The following ASXL1 variants were observed in gnomAD, a reference collection of about 807,000 sequenced individuals.
The protein encoded by ASXL1 is polycomb group protein ASXL1.
A neutral mutation model predicts 89.1 loss-of-function variants in ASXL1; 65 were observed. The ratio of observed to expected loss-of-function variants is 0.73; its 90% CI spans 0.60 to 0.90. ASXL1 has a LOEUF of 0.90. Ranked by LOEUF, ASXL1 falls within the 40% of genes least tolerant of loss-of-function variation. The pLI, the probability that ASXL1 is intolerant of heterozygous loss-of-function variation, is 0.00. For synonymous variants in ASXL1, 739 were observed against 746.9 expected (o/e 0.99, Z 0.17); for missense variants, 1,786 against 1,942.9 (o/e 0.92, Z 1.52).
chr20:32,371,737 C>A, intron 4 of ASXL1: 1 of 444,186 alleles, frequency 2.3e-6, no homozygotes, highest in South Asian at 1.6e-5. Flanking sequence ...TCCCGAGTAG[C>A]GTACACCATC....
chr20:32,369,792 G>C (rs1307123167), intron 4 of ASXL1, among the ~76,000 whole-genome samples: 1 of 140,836 alleles, frequency 7.1e-6, no homozygotes, highest in African/African-American at 2.6e-5. Context: ...GCAGTGGTGC[G>C]ATCTCAGCTC....
At chr20:32,375,251 A>C (rs2048357865) in intron 4 of ASXL1, among the ~76,000 whole-genome samples, 1 of 152,082 alleles carries the variant, frequency 6.6e-6, no homozygotes, top group South Asian at 2.1e-4. Flanking sequence ...GGATCACCTT[A>C]GGTCAGGAGT....
At chr20:32,406,830 C>A (rs982102085) in intron 4 of ASXL1, among the ~76,000 whole-genome samples, 1 of 152,116 alleles carries the variant, frequency 6.6e-6, no homozygotes, top group Non-Finnish European at 1.5e-5. Flanking sequence ...CTCCAACTCT[C>A]ACGTCATACC....
Position 32,436,807 on chromosome 20 carries a change from C to A in ASXL1, c.4095C>A (p.Gly1365=). Residue 1365 remains glycine, a synonymous_variant, in exon 13 of 13, where the codon GGC becomes GGA. Coordinates refer to ENST00000375687, the MANE Select transcript of ASXL1 (RefSeq NM_015338.6). ...CTCCAAAGCCACATGCCTTTGTTGG[C>A]AGCGTCAAGAATGAGAAGACTTTTG... is the stretch of plus-strand genomic sequence containing the variant. ...DWAPKPHAFV[G]SVKNEKTFVG... The A allele has an allele frequency of 6.2e-7, 1 of 1,614,202 alleles. No homozygotes were observed.
At chr20:32,387,449 C>T (rs1028121264) in intron 4 of ASXL1, among the ~76,000 whole-genome samples, 1 of 152,130 alleles carries the variant, frequency 6.6e-6, no homozygotes, top group Admixed American at 6.6e-5. Context: ...ATACTACTGG[C>T]GAATTCAGTG....
Position 32,436,569 on chromosome 20 carries a change from A to G in ASXL1, c.3857A>G (p.Gln1286Arg), listed in dbSNP as rs1227209031. ...SPNVISFGPEQTGRALGDQSN... is the reference protein window; with the variant it reads ...SPNVISFGPERTGRALGDQSN... ...AATGTGATCTCCTTTGGTCCAGAGC[A>G]GACAGGTCGGGCCCTGGGTGATCAG... The change falls in exon 13 of 13, where the codon CAG becomes CGG. Residue 1286 changes from glutamine (Q) to arginine (R), a missense_variant. Around this residue, in one of 3 missense-constraint regions of ASXL1, gnomAD observed 1,418 missense variants for 1,427.8 expected, o/e 0.99. Coordinates refer to ENST00000375687, the MANE Select transcript of ASXL1 (RefSeq NM_015338.6). 6.2e-7 allele frequency: 1 copy of G among 1,614,226 alleles called. No individual in the cohort carries two copies.
At chr20:32,367,112 C>CCATTA (rs1305466660) in intron 2 of ASXL1, among the ~76,000 whole-genome samples, 4 of 151,598 alleles carry the variant, frequency 2.6e-5, no homozygotes, top group Admixed American at 6.6e-5. Flanking sequence ...GGGTAGTGGC[C>CCATTA]CATGCCTGTA....
chr20:32,422,100 C>T (rs1331403522), intron 4 of ASXL1, among the ~76,000 whole-genome samples: 6 of 147,226 alleles, frequency 4.1e-5, no homozygotes, highest in South Asian at 2.2e-4. Flanking sequence ...AGGATGGTCT[C>T]GATCTCCTGA....
intron 4 of ASXL1, among the ~76,000 whole-genome samples, chr20:32,424,532 T>G (rs1377465774): frequency 6.6e-6 from 1 of 152,094 alleles, no homozygotes. Flanking sequence ...GAGACTCTTG[T>G]CTCAAAAAAC....
Position 32,437,627 on chromosome 20 carries a change from G to A in ASXL1, c.*289G>A, listed in dbSNP as rs2012006358. On this transcript the variant is annotated 3_prime_UTR_variant, in exon 13 of 13. Transcript: ENST00000375687. ...CGGAGTGGGGTTGCGGGGGGTGGGG[G>A]GACTGCCTGACTCCCAGAGGGACTT... 3 of 481,228 alleles carry A rather than the reference G, an allele frequency of 6.2e-6. No homozygotes were observed. The highest frequency in any genetic ancestry group is 1.1e-5 in the Non-Finnish European group (3 of 267,070). The allele number at this position is 481,228 out of a possible 1,614,324, so 29.8% of individuals were successfully genotyped here.
At chr20:32,363,585 C>T (rs768263157) in intron 1 of ASXL1, among the ~76,000 whole-genome samples, 1 of 152,212 alleles carries the variant, frequency 6.6e-6, no homozygotes, top group African/African-American at 2.4e-5. Flanking sequence ...CATAGTTTCT[C>T]CTTTCACTCT....
In ASXL1 at chr20:32,434,997, T is replaced by A; in HGVS notation, c.2285T>A (p.Leu762Ter). The A allele has an allele frequency of 6.2e-7, 1 of 1,614,188 alleles. No homozygotes were observed. The highest frequency in any genetic ancestry group is 8.5e-7 in the Non-Finnish European group (1 of 1,180,040). ...APTGDQPCQA[L>*]PLLSSQTSVA... ...ACTGGGGACCAGCCATGCCAGGCCT[T>A]GCCCCTACTGTCCTCCCAAACCTCA... Residue 762 changes from leucine to a stop codon, truncating the protein, a stop_gained, in exon 13 of 13, where the codon TTG becomes TAG. Coordinates refer to ENST00000375687, the MANE Select transcript of ASXL1 (RefSeq NM_015338.6). LOFTEE classifies it low-confidence loss of function (END_TRUNC).
At chr20:32,384,596 G>C (rs1038670776) in intron 4 of ASXL1, among the ~76,000 whole-genome samples, 1 of 152,168 alleles carries the variant, frequency 6.6e-6, no homozygotes, top group Non-Finnish European at 1.5e-5. Context: ...CAAAAGAAGG[G>C]GTATTCCGTT....
At chr20:32,358,872 G>A in intron 1 of ASXL1, 40 bp downstream of exon 1, 1 of 1,471,602 alleles carries the variant, frequency 6.8e-7, no homozygotes, top group Non-Finnish European at 9.0e-7. Flanking sequence ...GGGGCCCGGG[G>A]TGGGGGGGGC....
At chr20:32,380,643 G>A (rs2048471171) in intron 4 of ASXL1, among the ~76,000 whole-genome samples, 1 of 152,094 alleles carries the variant, frequency 6.6e-6, no homozygotes, top group South Asian at 2.1e-4. Flanking sequence ...GGAGGTACTG[G>A]GGGAGCTGAC....
intron 4 of ASXL1, among the ~76,000 whole-genome samples, chr20:32,386,510 C>T (rs1056809903): frequency 2.6e-5 from 4 of 151,924 alleles, no homozygotes; most frequent in Non-Finnish European, 5.9e-5. Context: ...CTCCACCTCC[C>T]GAGTTTAAGT....
chr20:32,403,273 A>G (rs977204979), intron 4 of ASXL1, among the ~76,000 whole-genome samples: 3 of 152,170 alleles, frequency 2.0e-5, no homozygotes, highest in African/African-American at 7.2e-5. Context: ...TTCCTCTGTC[A>G]ATACCGTACT....
chr20:32,381,513 C>CTT lies in ASXL1; in HGVS notation c.252+12408_252+12409dup, dbSNP rs59213941. Among the ~76,000 whole-genome samples, 282 of 131,374 alleles carry CTT rather than the reference C, an allele frequency of 2.1e-3. 4 individuals are homozygous for CTT. The highest frequency in any genetic ancestry group is 6.4e-3 in the African/African-American group (222 of 34,450). 86.2% of individuals were successfully genotyped at this position (131,374 alleles called of 152,430 possible). A position where few individuals can be genotyped will look rare whatever the true frequency, so the allele number is the denominator to read the frequency against. On this transcript the variant is annotated intron_variant, in intron 4 of 12. Transcript: ENST00000375687. ...CACTGGTCCAGCCTCTTACCAAAAT[C>CTT]TTTTTTTTTTTTTTTTTTTGAGACG...
chr20:32,389,421 A>G (rs750111133), intron 4 of ASXL1, among the ~76,000 whole-genome samples: 10 of 152,094 alleles, frequency 6.6e-5, no homozygotes, highest in Non-Finnish European at 1.3e-4. Context: ...GTGCTTGTGT[A>G]TGTGTCTCCT....
Sources: allele counts gnomAD v4.1 joint callset (sites outside exome capture counted in the v4.1 genomes callset), GRCh38; gene constraint gnomAD v4.1.1; regional missense constraint gnomAD v4.1.1; transcripts MANE v1.5; gene names NCBI Gene and HGNC (gene_info 2026-07-23, HGNC 2026-07-21).